Variants in CLTCL1 observed in about 807,000 individuals in gnomAD.
The protein encoded by CLTCL1 is clathrin heavy chain like 1, also known as clathrin heavy chain 2.
CLTCL1 carries 159 observed loss-of-function variants against 190.0 expected under a neutral mutation model. That is an observed-to-expected ratio of 0.84 (90% CI 0.74 to 0.95). The LOEUF is 0.95. Ranked by LOEUF, CLTCL1 falls within the 40% of genes least tolerant of loss-of-function variation. The probability of loss-of-function intolerance (pLI) is 0.00; values close to 1 mark genes in which losing one functional copy is unlikely to be tolerated. For synonymous variants in CLTCL1, 752 were observed against 769.6 expected (o/e 0.98, Z 0.38); for missense variants, 1,878 against 2,033.4 (o/e 0.92, Z 1.47).
At chr22:19,217,922 G>C (rs1322066310) in intron 18 of CLTCL1, among the ~76,000 whole-genome samples, 1 of 151,798 alleles carries the variant, frequency 6.6e-6, no homozygotes, top group Admixed American at 6.6e-5. Context: ...GTTGTTTTAA[G>C]GGCAAAAATA....
chr22:19,225,780 T>A, intron 12 of CLTCL1, 147 bp from the exon 13 acceptor site: 1 of 744,900 alleles, frequency 1.3e-6, no homozygotes, highest in Non-Finnish European at 2.1e-6. Flanking sequence ...CAACTATCCA[T>A]CACGGGAAAA....
Position 19,179,691 on chromosome 22 carries a change from G to C in CLTCL1, c.*299C>G, listed in dbSNP as rs1188261157. On this transcript the variant is annotated 3_prime_UTR_variant, in exon 33 of 33. Transcript: ENST00000427926. Reference sequence around the variant, plus strand: ...TGTCGGCTAAAGCTGGTCTTGCGCCGTCAGCCTCTACCCTGGCCTCCCCAG... The same window carrying C: ...TGTCGGCTAAAGCTGGTCTTGCGCCCTCAGCCTCTACCCTGGCCTCCCCAG... The C allele has an allele frequency of 6.1e-6, 1 of 163,380 alleles. No individual in the cohort carries two copies. The highest frequency in any genetic ancestry group is 2.4e-5 in the African/African-American group (1 of 41,594). The allele number at this position is 163,380 out of a possible 1,614,324, so 10.1% of individuals were successfully genotyped here. A position where few individuals can be genotyped will look rare whatever the true frequency, so the allele number is the denominator to read the frequency against.
At chr22:19,284,225 A>G (rs533903929) in intron 1 of CLTCL1, among the ~76,000 whole-genome samples, 2 of 152,310 alleles carry the variant, frequency 1.3e-5, no homozygotes, top group East Asian at 3.9e-4. Context: ...GTGGACACCA[A>G]TATTTTTTCT....
intron 3 of CLTCL1, among the ~76,000 whole-genome samples, chr22:19,252,143 G>C (rs1469864991): frequency 2.6e-5 from 4 of 152,122 alleles, no homozygotes; most frequent in Non-Finnish European, 5.9e-5. Flanking sequence ...ACATGGTTTT[G>C]TTCCTGTATC....
intron 10 of CLTCL1, among the ~76,000 whole-genome samples, chr22:19,231,677 A>C (rs2085921721): frequency 6.6e-6 from 1 of 152,184 alleles, no homozygotes; most frequent in Non-Finnish European, 1.5e-5. Flanking sequence ...ATTGTTTTTG[A>C]AGGACAGCTT....
chr22:19,228,019 G>A (rs1555957032), intron 11 of CLTCL1, among the ~76,000 whole-genome samples: 1 of 151,608 alleles, frequency 6.6e-6, no homozygotes, highest in Non-Finnish European at 1.5e-5. Context: ...ACACTCCTGG[G>A]TGCCTTCCCC....
At chr22:19,285,988 G>A (rs1339552597) in intron 1 of CLTCL1, among the ~76,000 whole-genome samples, 2 of 152,092 alleles carry the variant, frequency 1.3e-5, no homozygotes, top group African/African-American at 2.4e-5. Flanking sequence ...CGTTTATAGT[G>A]GTTTCCCCTG....
intron 17 of CLTCL1, 67 bp from the exon 18 acceptor site, chr22:19,220,074 C>T: frequency 3.1e-6 from 5 of 1,601,302 alleles, no homozygotes; most frequent in South Asian, 1.1e-5. Flanking sequence ...GGAGGACACA[C>T]CCCAATTCGT....
Position 19,233,634 on chromosome 22 carries a change from T to A in CLTCL1, c.1168-12A>T, listed in dbSNP as rs368179825. The A allele has an allele frequency of 6.2e-7, 1 of 1,609,638 alleles. No homozygotes were observed. Among genetic ancestry groups the A allele is most frequent in the Non-Finnish European group, 8.5e-7 (1 of 1,178,090 alleles). On this transcript the variant is annotated splice_polypyrimidine_tract_variant and intron_variant, in intron 7 of 32. Coordinates refer to ENST00000427926, the MANE Select transcript of CLTCL1 (RefSeq NM_007098.4). ...GTACGCAGGATTCCCTAATAATAAA[T>A]GGAAAAATAGGTCATTGTGTTGTAA...
rs142469868 is a variant in CLTCL1 at position 19,290,196 on chromosome 22, T to C, written c.42+1404A>G. On this transcript the variant is annotated intron_variant, in intron 1 of 32. Coordinates refer to ENST00000427926, the MANE Select transcript of CLTCL1 (RefSeq NM_007098.4). ...GCCCTTTGAAAAGAACATATTTAGA[T>C]AGTGGTTAAGCACAGGCATTGGAAT... 2.1e-3 allele frequency among the ~76,000 whole-genome samples: 317 copies of C among 152,320 alleles called. 1 individual carries two copies. Among genetic ancestry groups the C allele is most frequent in the Non-Finnish European group, 3.9e-3 (268 of 68,032 alleles).
chr22:19,226,435 T>C, intron 11 of CLTCL1, 52 bp from the exon 12 acceptor site: 1 of 1,601,750 alleles, frequency 6.2e-7, no homozygotes, highest in East Asian at 2.2e-5. Flanking sequence ...AATAACTTTT[T>C]AAGACCAGCT....
chr22:19,184,120 C>T (rs2146197602), intron 29 of CLTCL1: 1 of 251,284 alleles, frequency 4.0e-6, no homozygotes, highest in Middle Eastern at 1.5e-3. Context: ...GACAAAATAA[C>T]ACCTGCACCT....
At chr22:19,263,489 A>G (rs1299265889) in intron 2 of CLTCL1, among the ~76,000 whole-genome samples, 1 of 152,108 alleles carries the variant, frequency 6.6e-6, no homozygotes, top group Admixed American at 6.6e-5. Flanking sequence ...GTCTTGGCTC[A>G]CTGCAACCTC....
chr22:19,263,709 G>A (rs1555976670), intron 2 of CLTCL1, among the ~76,000 whole-genome samples: 1 of 152,164 alleles, frequency 6.6e-6, no homozygotes, highest in African/African-American at 2.4e-5. Context: ...GTGAGCCACT[G>A]CACCCAGCCA....
intron 3 of CLTCL1, among the ~76,000 whole-genome samples, chr22:19,249,229 C>T (rs556530502): frequency 2.6e-4 from 39 of 152,164 alleles, no homozygotes; most frequent in African/African-American, 8.2e-4. Context: ...CGTGGTGGCA[C>T]GTGCCTATAA....
intron 16 of CLTCL1, 106 bp from the exon 17 acceptor site, chr22:19,221,717 T>G (rs1286377820): frequency 3.7e-6 from 4 of 1,094,306 alleles, no homozygotes; most frequent in Non-Finnish European, 5.2e-6. Flanking sequence ...AATCTCAGAG[T>G]CCATTGACTT....
rs555614300 is a variant in CLTCL1, at chr22:19,210,594, C to A, written c.3066-85G>T. The A allele has an allele frequency of 2.6e-5, 31 of 1,192,988 alleles. No homozygotes were observed. In the South Asian group the frequency reaches 3.7e-4, roughly 14 times the overall value. 73.9% of individuals were successfully genotyped at this position (1,192,988 alleles called of 1,614,324 possible). A position where few individuals can be genotyped will look rare whatever the true frequency, so the allele number is the denominator to read the frequency against. ...TTGGCAGGTCAGGCATCCCCAGACC[C>A]CCAGTTTTTTTAAAAAAGTAATTAA... On this transcript the variant is annotated intron_variant, in intron 19 of 32. Transcript: ENST00000427926.
intron 18 of CLTCL1, among the ~76,000 whole-genome samples, chr22:19,216,671 C>G (rs1555949639): frequency 6.6e-6 from 1 of 152,244 alleles, no homozygotes; most frequent in East Asian, 1.9e-4. Context: ...ACAGCCAGAG[C>G]TGTGGAGCCA....
intron 2 of CLTCL1, among the ~76,000 whole-genome samples, chr22:19,266,175 G>C (rs1403859270): frequency 1.3e-5 from 2 of 150,132 alleles, no homozygotes; most frequent in Non-Finnish European, 3.0e-5. Flanking sequence ...GAGCCACCAG[G>C]CCTGACCCAA....
Sources: allele counts gnomAD v4.1 joint callset (sites outside exome capture counted in the v4.1 genomes callset), GRCh38; gene constraint gnomAD v4.1.1; transcripts MANE v1.5; gene names NCBI Gene and HGNC (gene_info 2026-07-23, HGNC 2026-07-21).